VTI1A: variants seen among roughly 807,000 people sequenced by gnomAD.
VTI1A encodes vesicle transport through interaction with t-SNAREs 1A.
A neutral mutation model predicts 34.9 loss-of-function variants in VTI1A; 22 were observed. The ratio of observed to expected loss-of-function variants is 0.63; its 90% CI spans 0.45 to 0.90. The LOEUF is 0.90. Among genes scored for constraint, VTI1A ranks in the 40% least tolerant of loss-of-function variants. The pLI, the probability that VTI1A is intolerant of heterozygous loss-of-function variation, is 0.00. For missense variants in VTI1A, 268 were observed against 275.6 expected (o/e 0.97, Z 0.20); for synonymous variants, 87 against 97.3 (o/e 0.89, Z 0.62).
intron 3 of VTI1A, among the ~76,000 whole-genome samples, chr10:112,478,106 A>G (rs1387055370): frequency 6.6e-6 from 1 of 152,184 alleles, no homozygotes; most frequent in African/African-American, 2.4e-5. Context: ...TGAATGTTCT[A>G]TTTATACTTC....
At position 112,612,325 on chromosome 10, in the gene VTI1A, G is replaced by A. The variant is rs140632075; in HGVS notation, c.428-55893G>A. ...TTTCAGTCTAAATTAAATTTTGGTC[G>A]TCATACATACATTTGGATAACCTAG... On this transcript the variant is annotated intron_variant, in intron 5 of 7. Transcript: ENST00000393077. Among the ~76,000 whole-genome samples the A allele has an allele frequency of 3.6e-3, 546 of 152,204 alleles. 5 individuals carry two copies. The highest frequency in any genetic ancestry group is 0.013 in the African/African-American group (520 of 41,532).
the VTI1A span, among the ~76,000 whole-genome samples, chr10:112,852,544 C>T: frequency 6.6e-6 from 1 of 152,234 alleles, no homozygotes; most frequent in Non-Finnish European, 1.5e-5. Flanking sequence ...AGTGAAGGCT[C>T]CTGAGGTGGG....
chr10:112,779,419 TA>T (rs1456894253), intron 7 of VTI1A, among the ~76,000 whole-genome samples: 13 of 152,242 alleles, frequency 8.5e-5, no homozygotes, highest in Admixed American at 3.9e-4. Context: ...AGTGATTTCT[TA>T]AACTGTTACC....
intron 5 of VTI1A, among the ~76,000 whole-genome samples, chr10:112,637,503 C>G (rs924233117): frequency 1.3e-5 from 2 of 152,072 alleles, no homozygotes; most frequent in Admixed American, 1.3e-4. Flanking sequence ...ACTAAACATA[C>G]AAAAACTTAG....
intron 5 of VTI1A, among the ~76,000 whole-genome samples, chr10:112,546,027 T>TAC: frequency 7.2e-6 from 1 of 139,248 alleles, no homozygotes; most frequent in Non-Finnish European, 1.5e-5. Context: ...TATACGTGTA[T>TAC]ACGCGTATGT....
chr10:112,739,691 A>G (rs1478453404), intron 7 of VTI1A, among the ~76,000 whole-genome samples: 1 of 152,204 alleles, frequency 6.6e-6, no homozygotes, highest in South Asian at 2.1e-4. Flanking sequence ...CATGCTACGG[A>G]ATACTGAAAA....
At chr10:112,787,698 C>CTTTTTTTTTTTTTTTTTTTTTTTTTT (rs34862909) in intron 7 of VTI1A, among the ~76,000 whole-genome samples, 1 of 103,280 alleles carries the variant, frequency 9.7e-6, no homozygotes, top group Non-Finnish European at 1.9e-5. Flanking sequence ...TTTTTCTTTT[C>CTTTTTTTTTTTTTTTTTTTTTTTTTT]TTTTTTTTTT....
chr10:112,772,440 G>C (rs111414638), intron 7 of VTI1A, among the ~76,000 whole-genome samples: 1,912 of 152,264 alleles, frequency 0.013, 44 homozygotes, highest in African/African-American at 0.044. Context: ...AGATAGTCTA[G>C]ATATGTCTTA....
At chr10:112,758,435 T>C (rs1851358084) in intron 7 of VTI1A, among the ~76,000 whole-genome samples, 2 of 152,118 alleles carry the variant, frequency 1.3e-5, no homozygotes, top group South Asian at 4.1e-4. Flanking sequence ...TTAAAAAGAC[T>C]CCTGGACACC....
the VTI1A span, among the ~76,000 whole-genome samples, chr10:112,839,316 T>C: frequency 6.6e-6 from 1 of 151,756 alleles, no homozygotes; most frequent in African/African-American, 2.4e-5. Flanking sequence ...GTGACAGTGA[T>C]GGGGGTGGGG....
At chr10:112,513,049 G>C (rs1849666057) in intron 3 of VTI1A, among the ~76,000 whole-genome samples, 1 of 151,920 alleles carries the variant, frequency 6.6e-6, no homozygotes, top group Admixed American at 6.6e-5. Context: ...ATAATTTTAA[G>C]ATTTTTTTTT....
chr10:112,825,106 T>C, the VTI1A span: 1 of 152,174 alleles, frequency 6.6e-6, no homozygotes, highest in Non-Finnish European at 1.5e-5. Flanking sequence ...TTCTTAATAA[T>C]TTTATCTTTG....
At chr10:112,478,289 T>C (rs1160525274) in intron 3 of VTI1A, among the ~76,000 whole-genome samples, 1 of 152,198 alleles carries the variant, frequency 6.6e-6, no homozygotes, top group Non-Finnish European at 1.5e-5. Context: ...CATTCTGTGC[T>C]TCAGTTTCCT....
In VTI1A at chr10:112,818,727, A is replaced by G. The variant is rs1263271993; in HGVS notation, c.*3344A>G. 3 of 196,584 alleles carry G rather than the reference A, an allele frequency of 1.5e-5. No individual in the cohort carries two copies. The highest frequency in any genetic ancestry group is 3.2e-5 in the Non-Finnish European group (3 of 94,644). 12.2% of individuals were successfully genotyped at this position (196,584 alleles called of 1,614,324 possible). ...TACGTTCATTAACAAATTGCATTAA[A>G]CAACTGTTAAGGGCTAATGATTTGT... On this transcript the variant is annotated 3_prime_UTR_variant, in exon 8 of 8. Transcript: ENST00000393077.
intron 4 of VTI1A, among the ~76,000 whole-genome samples, chr10:112,534,620 GTAA>G (rs1406415529): frequency 6.6e-6 from 1 of 152,020 alleles, no homozygotes; most frequent in African/African-American, 2.4e-5. Flanking sequence ...CTCAGAAAAA[GTAA>G]TAATGATATA....
At chr10:112,787,438 G>C (rs954271742) in intron 7 of VTI1A, among the ~76,000 whole-genome samples, 6 of 151,900 alleles carry the variant, frequency 3.9e-5, no homozygotes, top group African/African-American at 1.5e-4. Flanking sequence ...CTTGTGTTGG[G>C]CTTAATTTGC....
intron 5 of VTI1A, among the ~76,000 whole-genome samples, chr10:112,572,238 T>A (rs954526366): frequency 2.0e-5 from 3 of 152,212 alleles, no homozygotes; most frequent in African/African-American, 7.2e-5. Flanking sequence ...AAATAATTAA[T>A]CTCTCTATCC....
intron 3 of VTI1A, among the ~76,000 whole-genome samples, chr10:112,508,071 G>A (rs1396756169): frequency 1.3e-5 from 2 of 152,114 alleles, no homozygotes; most frequent in Non-Finnish European, 2.9e-5. Flanking sequence ...TAAGTCTATT[G>A]TGATTTTCTA....
chr10:112,530,279 A>G (rs1359835342), intron 4 of VTI1A, among the ~76,000 whole-genome samples: 1 of 152,216 alleles, frequency 6.6e-6, no homozygotes, highest in Non-Finnish European at 1.5e-5. Context: ...AAGCATTATC[A>G]TTCTATTCTT....
Sources: gnomAD v4.1 joint callset for allele counts (sites outside exome capture counted in the v4.1 genomes callset) on GRCh38, gnomAD v4.1.1 for gene constraint, MANE v1.5 for transcripts, NCBI Gene and HGNC (gene_info 2026-07-23, HGNC 2026-07-21) for gene names.